The following RUVBL2 variants were observed in gnomAD, a reference collection of about 807,000 sequenced individuals.
RUVBL2 encodes RuvB like AAA ATPase 2, also known as ruvB-like 2.
RUVBL2 carries 9 observed loss-of-function variants against 57.9 expected under a neutral mutation model. That is an observed-to-expected ratio of 0.16 (90% CI 0.09 to 0.27). The LOEUF (loss-of-function observed/expected upper bound fraction) is 0.27. Ranked by LOEUF, RUVBL2 falls within the 10% of genes least tolerant of loss-of-function variation. The pLI is 1.00. For synonymous variants in RUVBL2, 278 were observed against 264.6 expected, an observed-to-expected ratio of 1.05 and a Z score of -0.49; for missense variants, 456 against 669.6, an observed-to-expected ratio of 0.68 and a Z score of 3.52.
rs139040236 is a variant in RUVBL2 at position 49,004,003 on chromosome 19, C to A, written c.124-274C>A. ...TGGTGGTGCACATTTGTGGTCCCAGCTACTCAAGAGGCTGAGGTGGAAGGA... is the reference window on the plus strand; with the variant it reads ...TGGTGGTGCACATTTGTGGTCCCAGATACTCAAGAGGCTGAGGTGGAAGGA... On this transcript the variant is annotated intron_variant, in intron 3 of 14. Transcript: ENST00000595090. 1.2e-4 allele frequency among the ~76,000 whole-genome samples: 18 copies of A among 149,380 alleles called. No homozygotes were observed. In the East Asian group the frequency reaches 3.0e-3, roughly 25 times the overall value.
intron 1 of RUVBL2, among the ~76,000 whole-genome samples, chr19:48,998,901 G>A (rs900222902): frequency 2.4e-4 from 36 of 150,922 alleles, no homozygotes; most frequent in African/African-American, 7.1e-4. Flanking sequence ...GTTGATGCGC[G>A]CCTGTAATCC....
chr19:48,996,502 C>CTGTGTGTGTGTGTGTG (rs72341497), intron 1 of RUVBL2, among the ~76,000 whole-genome samples: 24 of 138,148 alleles, frequency 1.7e-4, no homozygotes, highest in African/African-American at 6.7e-4. Flanking sequence ...ATTTTTGTAT[C>CTGTGTGTGTGTGTGTG]TGTGTGTGTG....
intron 11 of RUVBL2, among the ~76,000 whole-genome samples, chr19:49,014,020 C>T (rs1355217005): frequency 6.6e-6 from 1 of 152,236 alleles, no homozygotes; most frequent in African/African-American, 2.4e-5. Flanking sequence ...TCGAGAGAGC[C>T]TAACCCTGTA....
intron 2 of RUVBL2, among the ~76,000 whole-genome samples, chr19:49,000,725 C>A (rs1297098699): frequency 6.6e-6 from 1 of 151,786 alleles, no homozygotes; most frequent in Non-Finnish European, 1.5e-5. Flanking sequence ...ATTAGCCAGG[C>A]ATGGTGGTGC....
At chr19:49,012,160 A>G (rs1382281226) in intron 11 of RUVBL2, among the ~76,000 whole-genome samples, 1 of 152,156 alleles carries the variant, frequency 6.6e-6, no homozygotes, top group African/African-American at 2.4e-5. Context: ...GGGTACTGTC[A>G]GCTCCAGCCC....
intron 8 of RUVBL2, 21 bp from the exon 9 acceptor site, chr19:49,010,467 T>TACC: frequency 7.1e-7 from 1 of 1,401,206 alleles, no homozygotes; most frequent in Non-Finnish European, 9.9e-7. Flanking sequence ...CCGCCGTTCT[T>TACC]CCCCCACCCC....
chr19:49,006,894 C>T, intron 4 of RUVBL2, 124 bp from the exon 5 acceptor site: 4 of 1,309,432 alleles, frequency 3.1e-6, no homozygotes, highest in Non-Finnish European at 4.2e-6. Flanking sequence ...GAGCCAAGTC[C>T]TTACATGTAG....
chr19:49,011,358 G>C lies in RUVBL2; in HGVS notation c.1001+48G>C, dbSNP rs1472841165. The C allele has an allele frequency of 6.8e-7, 1 of 1,480,072 alleles. No individual in the cohort carries two copies. Among genetic ancestry groups the C allele is most frequent in the Non-Finnish European group, 9.4e-7 (1 of 1,061,474 alleles). The allele number at this position is 1,480,072 out of a possible 1,614,324, so 91.7% of individuals were successfully genotyped here. A position where few individuals can be genotyped will look rare whatever the true frequency, so the allele number is the denominator to read the frequency against. On this transcript the variant is annotated intron_variant, in intron 11 of 14. Coordinates refer to ENST00000595090, the MANE Select transcript of RUVBL2 (RefSeq NM_006666.3). The surrounding 1 kb of genome is among the most constrained non-coding windows in gnomAD (Gnocchi z 4.4). ...TGGGGAAAACAGGATGCTCTGGGCA[G>C]TGGGTGTGGTCAGAGGGTCAATGGG... is the stretch of plus-strand genomic sequence containing the variant.
At chr19:48,993,777 C>T (rs1014885765), upstream of RUVBL2, 19 of 1,214,682 alleles carry the variant, frequency 1.6e-5, no homozygotes, top group Non-Finnish European at 2.1e-5. Context: ...AAAGTCCCGC[C>T]ACGCCCCCAC....
intron 13 of RUVBL2, 102 bp from the exon 14 acceptor site, chr19:49,015,470 G>A (rs2039527603): frequency 4.2e-6 from 4 of 962,224 alleles, no homozygotes; most frequent in Non-Finnish European, 6.7e-6. Flanking sequence ...CCCCTCACAT[G>A]CCACACTCTG....
rs763605835 is a variant in RUVBL2 at position 49,011,029 on chromosome 19, G to A, written c.818G>A (p.Arg273His). 8.7e-6 allele frequency: 14 copies of A among 1,612,970 alleles called. No homozygotes were observed. Among genetic ancestry groups the A allele is most frequent in the South Asian group, 3.3e-5 (3 of 90,656 alleles). The change falls in exon 10 of 15, where the codon CGT becomes CAT. Residue 273 changes from arginine to histidine, a missense_variant. Transcript: ENST00000595090. The surrounding 1 kb of genome is among the most constrained non-coding windows in gnomAD (Gnocchi z 4.4). ...GDTGEIKSEV[R>H]EQINAKVAEW... ...ACAGGGGAGATCAAGTCAGAAGTCC[G>A]TGAGCAGATCAATGCCAAGGTGGCT...
chr19:49,011,374 G>A lies in RUVBL2; in HGVS notation c.1001+64G>A. ...CTCTGGGCAGTGGGTGTGGTCAGAGGGTCAATGGGAGCCTGTGTTGACACC... is the reference window on the plus strand; with the variant it reads ...CTCTGGGCAGTGGGTGTGGTCAGAGAGTCAATGGGAGCCTGTGTTGACACC... On this transcript the variant is annotated intron_variant, in intron 11 of 14. Coordinates refer to ENST00000595090, the MANE Select transcript of RUVBL2 (RefSeq NM_006666.3). The surrounding 1 kb of genome is among the most constrained non-coding windows in gnomAD (Gnocchi z 4.4). 3.8e-6 allele frequency: 5 copies of A among 1,313,118 alleles called. No individual in the cohort carries two copies. Among genetic ancestry groups the A allele is most frequent in the South Asian group, 1.2e-5 (1 of 85,024 alleles). The allele number at this position is 1,313,118 out of a possible 1,614,324, so 81.3% of individuals were successfully genotyped here. A position where few individuals can be genotyped will look rare whatever the true frequency, so the allele number is the denominator to read the frequency against.
At chr19:49,012,001 C>A (rs2039439284) in intron 11 of RUVBL2, among the ~76,000 whole-genome samples, 1 of 152,158 alleles carries the variant, frequency 6.6e-6, no homozygotes, top group African/African-American at 2.4e-5. Flanking sequence ...CTCCACCTCG[C>A]CACATTTTGG....
At chr19:48,994,385 C>T (rs1300526098) in intron 1 of RUVBL2, 1 of 171,158 alleles carries the variant, frequency 5.8e-6, no homozygotes, top group Non-Finnish European at 1.3e-5. Flanking sequence ...GCCTAGTGAG[C>T]CTTTAGTGGG....
chr19:49,007,923 G>A (rs2039314574), intron 6 of RUVBL2, among the ~76,000 whole-genome samples: 1 of 151,494 alleles, frequency 6.6e-6, no homozygotes, highest in Non-Finnish European at 1.5e-5. Context: ...TGGCCAGGCT[G>A]GTCTTGAACT....
At position 49,013,178 on chromosome 19, in the gene RUVBL2, G is replaced by A. The variant is rs542298944; in HGVS notation, c.1002-1306G>A. Among the ~76,000 whole-genome samples, 18 of 152,082 alleles carry A rather than the reference G, an allele frequency of 1.2e-4. No homozygotes were observed. The South Asian group carries it at 3.7e-3, about 32-fold the overall frequency. On this transcript the variant is annotated intron_variant, in intron 11 of 14. Transcript: ENST00000595090. Reference sequence around the variant, plus strand: ...AGGGTTTCACCATATTGGCCAGGCTGGTCTCGAACTCCTGACCTCGTGATC... The same window carrying A: ...AGGGTTTCACCATATTGGCCAGGCTAGTCTCGAACTCCTGACCTCGTGATC...
intron 6 of RUVBL2, among the ~76,000 whole-genome samples, chr19:49,008,016 T>TC (rs1216894332): frequency 2.0e-5 from 3 of 149,288 alleles, no homozygotes; most frequent in Non-Finnish European, 4.5e-5. Flanking sequence ...CTCTTTTTTT[T>TC]TTTTTTTTTT....
chr19:49,002,937 G>A (rs1477830607), intron 2 of RUVBL2, among the ~76,000 whole-genome samples: 1 of 152,176 alleles, frequency 6.6e-6, no homozygotes, highest in Non-Finnish European at 1.5e-5. Context: ...GAGAACATGT[G>A]GGTGCTGTGT....
At chr19:49,014,871 G>A (rs1172844649) in intron 12 of RUVBL2, 150 bp from the exon 13 acceptor site, 10 of 1,217,852 alleles carry the variant, frequency 8.2e-6, no homozygotes, top group Admixed American at 5.2e-5. Context: ...CCCTGTCTCC[G>A]TGGCTCTTCT....
Sources: gnomAD v4.1 joint callset for allele counts (sites outside exome capture counted in the v4.1 genomes callset) on GRCh38, gnomAD v4.1.1 for gene constraint, Gnocchi (gnomAD v3.1) non-coding constraint, MANE v1.5 for transcripts, NCBI Gene and HGNC (gene_info 2026-07-23, HGNC 2026-07-21) for gene names.